ANKRD22: variants seen among roughly 807,000 people sequenced by gnomAD.
ANKRD22 encodes ankyrin repeat domain 22.
ANKRD22 carries 24 observed loss-of-function variants against 25.7 expected under a neutral mutation model. That is an observed-to-expected ratio of 0.93 (90% CI 0.68 to 1.31). The LOEUF (loss-of-function observed/expected upper bound fraction) is 1.31. Ranked by LOEUF, ANKRD22 falls within the 50% of genes most tolerant of loss-of-function variation. ANKRD22 has a pLI of 0.00. For synonymous variants in ANKRD22, 84 were observed against 84.3 expected, an observed-to-expected ratio of 1.00 and a Z score of 0.02; for missense variants, 214 against 227.1, an observed-to-expected ratio of 0.94 and a Z score of 0.37.
At chr10:88,824,780 G>T (rs61854035) in intron 4 of ANKRD22, among the ~76,000 whole-genome samples, 1 of 152,038 alleles carries the variant, frequency 6.6e-6, no homozygotes, top group Admixed American at 6.5e-5. Flanking sequence ...GTCACAGGCA[G>T]GAATATTAAA....
Position 88,822,896 on chromosome 10 carries a change from C to T in ANKRD22, c.*45G>A. ...AAAAGTCTAAAATGAAGATAGAATC[C>T]AGTCGTTAACTTTTTCTGTATCTCC... On this transcript the variant is annotated 3_prime_UTR_variant, in exon 6 of 6. Coordinates refer to ENST00000371930, the MANE Select transcript of ANKRD22 (RefSeq NM_144590.3). 1 of 1,533,412 alleles carries T rather than the reference C, an allele frequency of 6.5e-7. No homozygotes were observed. The allele number at this position is 1,533,412 out of a possible 1,614,324, so 95.0% of individuals were successfully genotyped here. A position where few individuals can be genotyped will look rare whatever the true frequency, so the allele number is the denominator to read the frequency against.
intron 1 of ANKRD22, among the ~76,000 whole-genome samples, chr10:88,847,867 T>G (rs980920065): frequency 6.6e-6 from 1 of 152,052 alleles, no homozygotes; most frequent in African/African-American, 2.4e-5. Flanking sequence ...GGCTCATTCA[T>G]CCTGCACAGG....
intron 1 of ANKRD22, among the ~76,000 whole-genome samples, chr10:88,847,736 A>G (rs1330621201): frequency 6.6e-6 from 1 of 151,972 alleles, no homozygotes; most frequent in Non-Finnish European, 1.5e-5. Flanking sequence ...TACATCACAG[A>G]GTAGAGAAAA....
intron 1 of ANKRD22, among the ~76,000 whole-genome samples, chr10:88,845,016 A>G (rs539859306): frequency 1.3e-5 from 2 of 152,166 alleles, no homozygotes; most frequent in African/African-American, 4.8e-5. Flanking sequence ...GCTCTTAGAC[A>G]AGGAGAACTT....
In ANKRD22 at chr10:88,823,285, T is replaced by A; in HGVS notation, c.493A>T (p.Asn165Tyr). The A allele has an allele frequency of 2.5e-6, 4 of 1,611,520 alleles. No homozygotes were observed. Among genetic ancestry groups the A allele is most frequent in the Non-Finnish European group, 3.4e-6 (4 of 1,177,706 alleles). Residue 165 changes from asparagine to tyrosine, a missense_variant, in exon 5 of 6, where the codon AAT becomes TAT. Coordinates refer to ENST00000371930, the MANE Select transcript of ANKRD22 (RefSeq NM_144590.3). ...LEARADPTIKNKHGESSLDIA... is the reference protein window; with the variant it reads ...LEARADPTIKYKHGESSLDIA... The stretch of plus-strand genomic sequence containing the variant: ...CACGGTCCACCCTCCCTTACCTTAT[T>A]CTTTATTGTGGGGTCTGCACGGGCT...
Position 88,822,952 on chromosome 10 carries a change from T to C in ANKRD22, c.565A>G (p.Lys189Glu), listed in dbSNP as rs1843814038. 1.2e-5 allele frequency: 20 copies of C among 1,610,570 alleles called. No individual in the cohort carries two copies. Among genetic ancestry groups the C allele is most frequent in the Non-Finnish European group, 1.7e-5 (20 of 1,176,864 alleles). ...TGTGGTCACAAGGATTACAATGCTT[T>C]CCTTAGCATTAATTCAATCTGGGAA... is the stretch of plus-strand genomic sequence containing the variant. ...KFSQIELMLR[K>E]AL Residue 189 changes from lysine (K) to glutamate (E), a missense_variant, in exon 6 of 6, where the codon AAA becomes GAA. Lys to Glu is a moderately conservative substitution (Grantham distance 56, BLOSUM62 1). Transcript: ENST00000371930.
rs1013505907 is a variant in ANKRD22 at position 88,851,739 on chromosome 10, A to C, written c.-132T>G. ...GTCCAAGCTGGTGGCAAGCTCCAGG[A>C]GTGCTTTTCTAGCAAACACCTGTCA... On this transcript the variant is annotated 5_prime_UTR_variant, in exon 1 of 6. Transcript: ENST00000371930. 7 of 1,017,104 alleles carry C rather than the reference A, an allele frequency of 6.9e-6. No individual in the cohort carries two copies. The African/African-American group carries it at 1.1e-4, about 16-fold the overall frequency. 63.0% of individuals were successfully genotyped at this position (1,017,104 alleles called of 1,614,324 possible). A position where few individuals can be genotyped will look rare whatever the true frequency, so the allele number is the denominator to read the frequency against.
At chr10:88,846,589 A>G (rs1844050979) in intron 1 of ANKRD22, among the ~76,000 whole-genome samples, 1 of 152,212 alleles carries the variant, frequency 6.6e-6, no homozygotes, top group Non-Finnish European at 1.5e-5. Flanking sequence ...ACAATCACAA[A>G]AGATGTCCCT....
At chr10:88,830,294 A>T (rs1319315415) in intron 2 of ANKRD22, among the ~76,000 whole-genome samples, 1 of 152,168 alleles carries the variant, frequency 6.6e-6, no homozygotes, top group East Asian at 1.9e-4. Context: ...TCTGATCAAC[A>T]TTTGTTTTCT....
At chr10:88,849,360 T>G (rs1844082968) in intron 1 of ANKRD22, among the ~76,000 whole-genome samples, 1 of 152,130 alleles carries the variant, frequency 6.6e-6, no homozygotes, top group African/African-American at 2.4e-5. Context: ...CCATCCTGGT[T>G]AGAACAGTGG....
In ANKRD22 at chr10:88,822,215, A is replaced by G. The variant is rs1360019031; in HGVS notation, c.*726T>C. On this transcript the variant is annotated 3_prime_UTR_variant, in exon 6 of 6. Coordinates refer to ENST00000371930, the MANE Select transcript of ANKRD22 (RefSeq NM_144590.3). ...AACAAAAACAAACTCTGATTTGTCA[A>G]TTTGCCAATTTCTGTGGTGTAAACA... 1 of 152,194 alleles carries G rather than the reference A, an allele frequency of 6.6e-6. No homozygotes were observed. The highest frequency in any genetic ancestry group is 1.5e-5 in the Non-Finnish European group (1 of 68,032). 9.4% of individuals were successfully genotyped at this position (152,194 alleles called of 1,614,324 possible).
intron 1 of ANKRD22, among the ~76,000 whole-genome samples, chr10:88,849,331 C>T (rs1844082623): frequency 6.6e-6 from 1 of 152,122 alleles, no homozygotes; most frequent in Non-Finnish European, 1.5e-5. Context: ...CTCATTCTTT[C>T]CACTAAGGGA....
intron 1 of ANKRD22, among the ~76,000 whole-genome samples, chr10:88,845,267 C>T (rs1844037371): frequency 6.6e-6 from 1 of 152,078 alleles, no homozygotes; most frequent in Non-Finnish European, 1.5e-5. Context: ...AGGAGGTTGT[C>T]CTTTAATATT....
At chr10:88,839,672 T>C (rs1843986503) in intron 1 of ANKRD22, among the ~76,000 whole-genome samples, 1 of 152,104 alleles carries the variant, frequency 6.6e-6, no homozygotes, top group Non-Finnish European at 1.5e-5. Context: ...TAGGCTTCCA[T>C]AAGGTCAAGC....
At chr10:88,837,471 C>T (rs1260644885) in intron 1 of ANKRD22, among the ~76,000 whole-genome samples, 1 of 152,076 alleles carries the variant, frequency 6.6e-6, no homozygotes, top group Admixed American at 6.6e-5. Context: ...AAGATGGAAA[C>T]ATTAGTCTCC....
chr10:88,845,297 A>G (rs1461649007), intron 1 of ANKRD22, among the ~76,000 whole-genome samples: 3 of 152,120 alleles, frequency 2.0e-5, no homozygotes, highest in Non-Finnish European at 4.4e-5. Context: ...CTCTGGCAAG[A>G]CCATACCTTC....
In ANKRD22 at chr10:88,832,186, T is replaced by G. The variant is rs554051336; in HGVS notation, c.22-160A>C. The stretch of plus-strand genomic sequence containing the variant: ...TTTTTGGTCTCAGTTATGCCTAGCT[T>G]TAAGTCTAGATCAAGAATTAGCCCA... On this transcript the variant is annotated intron_variant, in intron 1 of 5. Coordinates refer to ENST00000371930, the MANE Select transcript of ANKRD22 (RefSeq NM_144590.3). Among the ~76,000 whole-genome samples, 7 of 152,334 alleles carry G rather than the reference T, an allele frequency of 4.6e-5. 1 individual carries two copies. The South Asian group carries it at 1.4e-3, about 32-fold the overall frequency.
chr10:88,820,448 A>G lies in ANKRD22; in HGVS notation c.*2493T>C, dbSNP rs1438506941. On this transcript the variant is annotated 3_prime_UTR_variant, in exon 6 of 6. Coordinates refer to ENST00000371930, the MANE Select transcript of ANKRD22 (RefSeq NM_144590.3). ...TATGTACAATGAAATCATCCATCTG[A>G]TGCAGCAGGAGGAGACCAACCTTTC... is the stretch of plus-strand genomic sequence containing the variant. 1.3e-6 allele frequency: 2 copies of G among 1,551,832 alleles called. No homozygotes were observed. The highest frequency in any genetic ancestry group is 2.4e-5 in the East Asian group (1 of 40,930).
intron 1 of ANKRD22, among the ~76,000 whole-genome samples, chr10:88,848,396 C>T (rs1198678361): frequency 6.6e-6 from 1 of 151,996 alleles, no homozygotes; most frequent in Non-Finnish European, 1.5e-5. Context: ...CTTAGCACAA[C>T]ATTTTAATTT....
Sources: allele counts gnomAD v4.1 joint callset (sites outside exome capture counted in the v4.1 genomes callset), GRCh38; gene constraint gnomAD v4.1.1; transcripts MANE v1.5; gene names NCBI Gene and HGNC (gene_info 2026-07-23, HGNC 2026-07-21).